DCAF6: variants seen among roughly 807,000 people sequenced by gnomAD.
DCAF6 encodes the protein DDB1 and CUL4 associated factor 6.
DCAF6 carries 54 observed loss-of-function variants against 125.1 expected under a neutral mutation model. That is an observed-to-expected ratio of 0.43 (90% CI 0.35 to 0.54). The LOEUF (loss-of-function observed/expected upper bound fraction) is 0.54, where lower values mean the gene tolerates loss of function less well. Ranked by LOEUF, DCAF6 falls within the 20% of genes least tolerant of loss-of-function variation. DCAF6 has a pLI of 0.01. For missense variants in DCAF6, 934 were observed against 1,161.7 expected (o/e 0.80, Z 2.85); for synonymous variants, 371 against 390.4 (o/e 0.95, Z 0.58).
At chr1:167,867,203 T>G in the DCAF6 span, among the ~76,000 whole-genome samples, 1 of 152,076 alleles carries the variant, frequency 6.6e-6, no homozygotes, top group Non-Finnish European at 1.5e-5. Context: ...TCCAAAACCA[T>G]CCTTAAACAT....
intron 2 of DCAF6, among the ~76,000 whole-genome samples, chr1:167,961,495 C>T (rs978369136): frequency 1.3e-5 from 2 of 152,062 alleles, no homozygotes; most frequent in Non-Finnish European, 2.9e-5. Context: ...CCCTCCTTTG[C>T]CTCCCAAAAT....
chr1:167,883,975 A>G, the DCAF6 span, among the ~76,000 whole-genome samples: 1 of 152,174 alleles, frequency 6.6e-6, no homozygotes, highest in Non-Finnish European at 1.5e-5. Context: ...TAATTTTTGT[A>G]GGTCTATAGT....
At chr1:167,993,170 A>T in intron 6 of DCAF6, 56 bp from the exon 7 acceptor site, 1 of 1,434,176 alleles carries the variant, frequency 7.0e-7, no homozygotes, top group Non-Finnish European at 9.5e-7. Flanking sequence ...GAGTTTTAAA[A>T]AATGTTTTTC....
chr1:167,922,609 C>T, the DCAF6 span, among the ~76,000 whole-genome samples: 1 of 151,730 alleles, frequency 6.6e-6, no homozygotes, highest in East Asian at 1.9e-4. Context: ...AAAAAAAAAC[C>T]TGCTCCCTAG....
chr1:167,909,267 C>G, the DCAF6 span, among the ~76,000 whole-genome samples: 1 of 152,072 alleles, frequency 6.6e-6, no homozygotes, highest in Admixed American at 6.5e-5. Flanking sequence ...TACCACAAAA[C>G]ATTTATCCAC....
At chr1:167,999,096 A>G (rs369118959) in intron 7 of DCAF6, among the ~76,000 whole-genome samples, 80 of 152,260 alleles carry the variant, frequency 5.3e-4, no homozygotes, top group African/African-American at 1.5e-3. Flanking sequence ...TCTTTGATCT[A>G]TGGGATACAA....
the DCAF6 span, among the ~76,000 whole-genome samples, chr1:167,871,364 A>T: frequency 6.6e-6 from 1 of 152,224 alleles, no homozygotes; most frequent in Non-Finnish European, 1.5e-5. Flanking sequence ...AATAGATTAT[A>T]GGTTTTTTCT....
At chr1:167,933,917 T>C (rs1670986553), upstream of DCAF6, among the ~76,000 whole-genome samples, 4 of 152,202 alleles carry the variant, frequency 2.6e-5, no homozygotes, top group South Asian at 8.3e-4. Context: ...TTTAGAGACA[T>C]TAGATCATCT....
At chr1:167,995,888 A>G (rs1681600850) in intron 7 of DCAF6, among the ~76,000 whole-genome samples, 1 of 152,194 alleles carries the variant, frequency 6.6e-6, no homozygotes, top group Admixed American at 6.5e-5. Context: ...TTGGAAAATG[A>G]AGGATGACCA....
chr1:168,003,834 T>C (rs1287971936), intron 8 of DCAF6, 36 bp from the exon 9 acceptor site: 76 of 1,563,224 alleles, frequency 4.9e-5, no homozygotes, highest in Non-Finnish European at 6.2e-5. Flanking sequence ...TTCTGACTTA[T>C]TACTAAACTC....
At chr1:167,929,167 T>G in the DCAF6 span, among the ~76,000 whole-genome samples, 1 of 151,340 alleles carries the variant, frequency 6.6e-6, no homozygotes, top group Non-Finnish European at 1.5e-5. Flanking sequence ...GAGACTAGCC[T>G]GACCAACATG....
At chr1:168,056,369 C>T (rs1690810871) in intron 17 of DCAF6, 32 of 1,538,434 alleles carry the variant, frequency 2.1e-5, no homozygotes, top group Non-Finnish European at 2.6e-5. Flanking sequence ...GTGACGGGAC[C>T]GCGCGCAGGG....
chr1:168,029,645 C>G (rs892722008), intron 12 of DCAF6, among the ~76,000 whole-genome samples: 2 of 152,072 alleles, frequency 1.3e-5, no homozygotes, highest in Non-Finnish European at 2.9e-5. Flanking sequence ...TATTATTACC[C>G]CCATTTTTCA....
the DCAF6 span, among the ~76,000 whole-genome samples, chr1:167,897,496 CA>C: frequency 7.4e-6 from 1 of 135,864 alleles, no homozygotes; most frequent in African/African-American, 2.9e-5. Flanking sequence ...GATTCCATCT[CA>C]AAAAAAAATA....
chr1:168,060,216 T>C (rs905304710), intron 17 of DCAF6, among the ~76,000 whole-genome samples: 4 of 152,202 alleles, frequency 2.6e-5, no homozygotes, highest in Non-Finnish European at 4.4e-5. Flanking sequence ...AGAGTTGTTT[T>C]GTTACCCAGG....
intron 7 of DCAF6, among the ~76,000 whole-genome samples, chr1:168,001,092 G>C (rs550729717): frequency 6.6e-6 from 1 of 152,254 alleles, no homozygotes; most frequent in East Asian, 1.9e-4. Flanking sequence ...CTTGAGGCCA[G>C]GAGTTCAAGA....
At chr1:168,027,003 A>T (rs773317953) in intron 12 of DCAF6, among the ~76,000 whole-genome samples, 3 of 152,124 alleles carry the variant, frequency 2.0e-5, no homozygotes, top group Non-Finnish European at 2.9e-5. Flanking sequence ...GGGCAGAAAG[A>T]ATGCCATATC....
intron 2 of DCAF6, 70 bp downstream of exon 2, chr1:167,951,931 C>A: frequency 4.3e-6 from 4 of 925,256 alleles, no homozygotes; most frequent in South Asian, 3.1e-5. Context: ...ATGAAATGTC[C>A]CAATCCTCCC....
chr1:168,009,497 C>T (rs1340044180), intron 10 of DCAF6, among the ~76,000 whole-genome samples: 2 of 130,902 alleles, frequency 1.5e-5, no homozygotes, highest in Admixed American at 7.8e-5. Context: ...TTCACTTCTT[C>T]CCTCCCTTCC....
Sources: gnomAD v4.1 joint callset for allele counts (sites outside exome capture counted in the v4.1 genomes callset) on GRCh38, gnomAD v4.1.1 for gene constraint, MANE v1.5 for transcripts, NCBI Gene and HGNC (gene_info 2026-07-23, HGNC 2026-07-21) for gene names.